SYNE2: variants seen among roughly 807,000 people sequenced by gnomAD.
SYNE2 encodes the protein spectrin repeat containing nuclear envelope protein 2.
In SYNE2, 431 loss-of-function variants were observed where a neutral mutation model predicts 856.3. The observed-to-expected ratio is 0.50, with a 90% CI of 0.47 to 0.55. The LOEUF (loss-of-function observed/expected upper bound fraction) is 0.55. Among genes scored for constraint, SYNE2 ranks in the 20% least tolerant of loss-of-function variants. The probability of loss-of-function intolerance (pLI) is 0.00; values close to 1 mark genes in which losing one functional copy is unlikely to be tolerated. For missense variants in SYNE2, 8,129 were observed against 8,023.2 expected (o/e 1.01, Z -0.50); for synonymous variants, 2,923 against 2,872.3 (o/e 1.02, Z -0.56).
At chr14:64,078,332 C>T in intron 54 of SYNE2, 134 bp from the exon 55 acceptor site, 2 of 980,660 alleles carry the variant, frequency 2.0e-6, no homozygotes, top group South Asian at 2.9e-5. Context: ...AATGCATTTG[C>T]CAGAATTTCT....
chr14:63,987,770 T>C (rs1211752140), intron 19 of SYNE2, among the ~76,000 whole-genome samples: 1 of 146,922 alleles, frequency 6.8e-6, no homozygotes. Flanking sequence ...TTAAAAATTT[T>C]TTAAATAATT....
chr14:63,771,146 T>C (rs531573513), intron 1 of SYNE2, among the ~76,000 whole-genome samples: 1 of 145,534 alleles, frequency 6.9e-6, no homozygotes, highest in African/African-American at 2.6e-5. Flanking sequence ...CTCGGCTCAC[T>C]GCAAGCTCCG....
intron 1 of SYNE2, among the ~76,000 whole-genome samples, chr14:63,834,347 A>G (rs1889773559): frequency 6.6e-6 from 1 of 152,154 alleles, no homozygotes; most frequent in Admixed American, 6.6e-5. Flanking sequence ...TGGGTGACAC[A>G]GTGAGACTCC....
intron 84 of SYNE2, among the ~76,000 whole-genome samples, chr14:64,152,038 G>A (rs548617624): frequency 7.4e-4 from 112 of 152,222 alleles, no homozygotes; most frequent in Middle Eastern, 6.8e-3. Flanking sequence ...GAGTAGACCA[G>A]GTCAGGGTGC....
At chr14:63,852,114 A>C (rs1890576227), upstream of SYNE2, among the ~76,000 whole-genome samples, 1 of 150,540 alleles carries the variant, frequency 6.6e-6, no homozygotes, top group Non-Finnish European at 1.5e-5. Flanking sequence ...ACAGAGTGAG[A>C]CCCTGTCTAA....
chr14:64,094,676 A>G (rs958583678), intron 61 of SYNE2, among the ~76,000 whole-genome samples: 2 of 152,264 alleles, frequency 1.3e-5, no homozygotes, highest in Admixed American at 6.5e-5. Flanking sequence ...TGGTGGATCA[A>G]TAATTCCCAC....
intron 83 of SYNE2, 37 bp downstream of exon 83, chr14:64,143,985 C>T (rs1328859497): frequency 2.5e-6 from 4 of 1,612,032 alleles, no homozygotes; most frequent in Non-Finnish European, 3.4e-6. Context: ...TGTGGTTTGA[C>T]CTTTATGAAA....
intron 1 of SYNE2, among the ~76,000 whole-genome samples, chr14:63,907,912 T>G (rs1239918295): frequency 6.6e-6 from 1 of 152,204 alleles, no homozygotes; most frequent in Non-Finnish European, 1.5e-5. Context: ...AACAAATTAA[T>G]CATTAATTAG....
chr14:64,118,064 A>G (rs934241409), intron 66 of SYNE2, among the ~76,000 whole-genome samples: 1 of 152,258 alleles, frequency 6.6e-6, no homozygotes, highest in Admixed American at 6.5e-5. Flanking sequence ...TGCTTGGATG[A>G]AGGAGTTATA....
intron 6 of SYNE2, among the ~76,000 whole-genome samples, chr14:63,946,475 A>C (rs1034891330): frequency 6.2e-5 from 9 of 145,674 alleles, no homozygotes; most frequent in African/African-American, 2.3e-4. Context: ...AGATATAGAT[A>C]CACAGACATA....
chr14:63,776,699 T>C (rs1595099513), intron 1 of SYNE2, among the ~76,000 whole-genome samples: 1 of 151,508 alleles, frequency 6.6e-6, no homozygotes, highest in South Asian at 2.1e-4. Flanking sequence ...TCCTGGGTTC[T>C]AGTGATTCTC....
At position 64,225,801 on chromosome 14, in the gene SYNE2, A is replaced by G. The variant is rs1047547783; in HGVS notation, c.*275A>G. The G allele has an allele frequency of 1.5e-5, 9 of 594,396 alleles. No individual in the cohort carries two copies. Among genetic ancestry groups the G allele is most frequent in the African/African-American group, 1.5e-4 (8 of 53,804 alleles). 36.8% of individuals were successfully genotyped at this position (594,396 alleles called of 1,614,324 possible). On this transcript the variant is annotated 3_prime_UTR_variant, in exon 116 of 116. Coordinates refer to ENST00000555002, the MANE Select transcript of SYNE2 (RefSeq NM_182914.3). ...GATCTCTGGAAATGTCAGTTTCCTGAAGAGCCAAGCACTTTGTGAATTCTG... is the reference window on the plus strand; with the variant it reads ...GATCTCTGGAAATGTCAGTTTCCTGGAGAGCCAAGCACTTTGTGAATTCTG...
chr14:64,042,029 C>T (rs1034969583), intron 45 of SYNE2, among the ~76,000 whole-genome samples: 7 of 152,038 alleles, frequency 4.6e-5, no homozygotes, highest in Non-Finnish European at 8.8e-5. Context: ...CACACATGCA[C>T]AAGAAGAATC....
At chr14:64,024,228 A>G in intron 38 of SYNE2, 29 bp from the exon 39 acceptor site, 1 of 1,609,680 alleles carries the variant, frequency 6.2e-7, no homozygotes, top group Non-Finnish European at 8.5e-7. Flanking sequence ...TTGCCAGGAG[A>G]TTGTAATGGA....
intron 51 of SYNE2, 55 bp from the exon 52 acceptor site, chr14:64,070,590 C>A: frequency 6.6e-7 from 1 of 1,507,684 alleles, no homozygotes; most frequent in Non-Finnish European, 9.0e-7. Context: ...ACTTCAGGTC[C>A]TGAAATGTAA....
chr14:63,809,041 C>T (rs7143343), intron 1 of SYNE2, among the ~76,000 whole-genome samples: 95,912 of 151,958 alleles, frequency 0.63, 30,748 homozygotes, highest in South Asian at 0.75. Flanking sequence ...AACAAACAAA[C>T]GAGAAAGTGG....
intron 3 of SYNE2, among the ~76,000 whole-genome samples, chr14:63,941,296 GT>G (rs2095911943): frequency 6.6e-6 from 1 of 152,114 alleles, no homozygotes; most frequent in Admixed American, 6.6e-5. Context: ...ACCACACACT[GT>G]TTTTTTCTCT....
At chr14:63,905,352 CATAG>C (rs2095394974) in intron 1 of SYNE2, among the ~76,000 whole-genome samples, 1 of 151,086 alleles carries the variant, frequency 6.6e-6, no homozygotes, top group African/African-American at 2.4e-5. Context: ...GAAGAATGTT[CATAG>C]TTTGATAGCA....
chr14:64,216,367 A>G lies in SYNE2; in HGVS notation c.19522A>G (p.Thr6508Ala). 6.2e-7 allele frequency: 1 copy of G among 1,614,144 alleles called. No homozygotes were observed. The highest frequency in any genetic ancestry group is 8.5e-7 in the Non-Finnish European group (1 of 1,180,040). Residue 6508 changes from threonine (T) to alanine (A), a missense_variant, in exon 108 of 116, where the codon ACC (threonine) becomes GCC (alanine). This residue lies in a region of SYNE2 where 5,410 missense variants were observed against 5,284.8 expected (regional missense o/e 1.02). Coordinates refer to ENST00000555002, the MANE Select transcript of SYNE2 (RefSeq NM_182914.3). Reference protein sequence around the residue: ...NVPPVPPASSTPYKPPYGKLL... With the variant: ...NVPPVPPASSAPYKPPYGKLL... ...TCCACCTGTTCCCCCTGCGTCCAGC[A>G]CCCCTTATAAACCACCCTATGTAAG...
Sources: allele counts gnomAD v4.1 joint callset (sites outside exome capture counted in the v4.1 genomes callset), GRCh38; gene constraint gnomAD v4.1.1; regional missense constraint gnomAD v4.1.1; transcripts MANE v1.5; gene names NCBI Gene and HGNC (gene_info 2026-07-23, HGNC 2026-07-21).